Variants in ARHGAP25 observed in about 807,000 individuals in gnomAD.
ARHGAP25 encodes rho GTPase-activating protein 25.
In ARHGAP25, 34 loss-of-function variants were observed where a neutral mutation model predicts 71.0. The observed-to-expected ratio is 0.48, with a 90% CI of 0.36 to 0.64. The LOEUF (loss-of-function observed/expected upper bound fraction) is 0.64. Ranked by LOEUF, ARHGAP25 falls within the 30% of genes least tolerant of loss-of-function variation. The pLI, the probability that ARHGAP25 is intolerant of heterozygous loss-of-function variation, is 0.00. For missense variants in ARHGAP25, 706 were observed against 805.1 expected (o/e 0.88, Z 1.49); for synonymous variants, 282 against 296.5 (o/e 0.95, Z 0.50).
intron 5 of ARHGAP25, among the ~76,000 whole-genome samples, chr2:68,810,942 C>A (rs1814919): frequency 0.56 from 85,208 of 151,222 alleles, 24,460 homozygotes; most frequent in East Asian, 0.87. Flanking sequence ...GGGTTTTGTC[C>A]TGTTGGCTAG....
chr2:68,719,919 C>T (rs1439209570), intron 2 of ARHGAP25, among the ~76,000 whole-genome samples: 2 of 152,152 alleles, frequency 1.3e-5, no homozygotes, highest in East Asian at 1.9e-4. Flanking sequence ...CTGTTTTATT[C>T]CCAAACTCAG....
At chr2:68,766,534 C>G (rs1206516560) in intron 1 of ARHGAP25, among the ~76,000 whole-genome samples, 1 of 152,124 alleles carries the variant, frequency 6.6e-6, no homozygotes, top group Non-Finnish European at 1.5e-5. Flanking sequence ...CTCTAAATTC[C>G]TAAGAAACAC....
intron 3 of ARHGAP25, 111 bp from the exon 4 acceptor site, chr2:68,787,729 G>A (rs1251075366): frequency 8.6e-6 from 7 of 815,968 alleles, no homozygotes; most frequent in African/African-American, 8.4e-5. Context: ...TGTTTGGCTG[G>A]TAGTGCTTCA....
chr2:68,710,619 G>T (rs1674458350), exon 2 of ARHGAP25: 1 of 152,168 alleles, frequency 6.6e-6, no homozygotes. Context: ...TTGGTCTACA[G>T]TGACTTCCAG....
intron 4 of ARHGAP25, among the ~76,000 whole-genome samples, chr2:68,788,742 G>C (rs1489719902): frequency 6.6e-6 from 1 of 152,144 alleles, no homozygotes; most frequent in East Asian, 1.9e-4. Context: ...TTAGGAGCAC[G>C]CCTACTTGTG....
chr2:68,782,561 G>A (rs907216233), intron 3 of ARHGAP25, among the ~76,000 whole-genome samples: 1 of 152,206 alleles, frequency 6.6e-6, no homozygotes, highest in Non-Finnish European at 1.5e-5. Flanking sequence ...AACTCTGTAA[G>A]CATTTCATGA....
intron 6 of ARHGAP25, 157 bp from the exon 7 acceptor site, chr2:68,816,132 C>CG: frequency 1.5e-6 from 1 of 667,548 alleles, no homozygotes. Flanking sequence ...AGTTATTTCC[C>CG]TTTTTTTTTT....
intron 1 of ARHGAP25, among the ~76,000 whole-genome samples, chr2:68,753,774 C>T (rs1676319603): frequency 6.6e-6 from 1 of 152,066 alleles, no homozygotes. Flanking sequence ...TTCAGAACTT[C>T]AGAACTTGCA....
At chr2:68,784,989 C>T (rs939733644) in intron 3 of ARHGAP25, among the ~76,000 whole-genome samples, 1 of 152,124 alleles carries the variant, frequency 6.6e-6, no homozygotes, top group Non-Finnish European at 1.5e-5. Context: ...AGGGAGTCAG[C>T]TAAGAGCACA....
At chr2:68,741,904 A>C (rs1028605506) in intron 1 of ARHGAP25, among the ~76,000 whole-genome samples, 2 of 152,174 alleles carry the variant, frequency 1.3e-5, no homozygotes, top group African/African-American at 2.4e-5. Flanking sequence ...CATTTCATGC[A>C]CTCATTGAGT....
rs958945599 is a variant in ARHGAP25 at position 68,735,412 on chromosome 2, A to G, written c.61+152A>G. On this transcript the variant is annotated intron_variant, in intron 1 of 10. Transcript: ENST00000409202. ...CCATTTGCATTTAAGTTGGCATGCC[A>G]GGTCCAAGTTCTAAAATGCTGGGAG... The G allele has an allele frequency of 5.2e-6, 4 of 767,374 alleles. No homozygotes were observed. The African/African-American group carries it at 5.3e-5, about 10-fold the overall frequency. 47.5% of individuals were successfully genotyped at this position (767,374 alleles called of 1,614,324 possible). A position where few individuals can be genotyped will look rare whatever the true frequency, so the allele number is the denominator to read the frequency against.
At chr2:68,824,264 G>A (rs1380235804) in intron 10 of ARHGAP25, among the ~76,000 whole-genome samples, 1 of 106,048 alleles carries the variant, frequency 9.4e-6, no homozygotes. Context: ...TGCCACAGAT[G>A]TGTCAGAGTC....
At chr2:68,730,359 T>TCCAGGCTG (rs1365139397), upstream of ARHGAP25, among the ~76,000 whole-genome samples, 30 of 152,228 alleles carry the variant, frequency 2.0e-4, no homozygotes, top group Non-Finnish European at 4.1e-4. Flanking sequence ...TTAAGAGTTC[T>TCCAGGCTG]CCAGGCTGGA....
chr2:68,816,209 T>G, intron 6 of ARHGAP25, 80 bp from the exon 7 acceptor site: 1 of 1,185,138 alleles, frequency 8.4e-7, no homozygotes. Context: ...ATACACCAAT[T>G]CTGTCCCAGG....
At chr2:68,744,554 C>G (rs1052264526) in intron 1 of ARHGAP25, among the ~76,000 whole-genome samples, 5 of 152,168 alleles carry the variant, frequency 3.3e-5, no homozygotes, top group African/African-American at 1.2e-4. Context: ...TAGACATATG[C>G]AGTGTGACTG....
intron 3 of ARHGAP25, among the ~76,000 whole-genome samples, chr2:68,782,522 C>T (rs892693019): frequency 6.6e-6 from 1 of 152,112 alleles, no homozygotes; most frequent in Non-Finnish European, 1.5e-5. Flanking sequence ...GAATAATGCC[C>T]ATGAAAGAAG....
At chr2:68,732,272 A>G (rs986192376), upstream of ARHGAP25, among the ~76,000 whole-genome samples, 1 of 152,208 alleles carries the variant, frequency 6.6e-6, no homozygotes, top group African/African-American at 2.4e-5. Context: ...CCCATGGGTC[A>G]CGAGTTTTTC....
In ARHGAP25 at chr2:68,772,066, A is replaced by G. The variant is rs561486225; in HGVS notation, c.62-3155A>G. 2.0e-5 allele frequency among the ~76,000 whole-genome samples: 3 copies of G among 152,334 alleles called. No individual in the cohort carries two copies. In the South Asian group the frequency reaches 6.2e-4, roughly 32 times the overall value. On this transcript the variant is annotated intron_variant, in intron 1 of 10. Transcript: ENST00000409202. ...GGTTTTTTGTTTGTTTGTTTTTCTT[A>G]TAGTTGTTTTTGCCACAACAAAGCA...
chr2:68,751,365 A>G (rs776636110), intron 1 of ARHGAP25, among the ~76,000 whole-genome samples: 13 of 152,216 alleles, frequency 8.5e-5, no homozygotes, highest in Non-Finnish European at 1.3e-4. Flanking sequence ...CAAGGAACCA[A>G]TTTTAAGGGT....
Sources: allele counts gnomAD v4.1 joint callset (sites outside exome capture counted in the v4.1 genomes callset), GRCh38; gene constraint gnomAD v4.1.1; transcripts MANE v1.5; gene names NCBI Gene and HGNC (gene_info 2026-07-23, HGNC 2026-07-21).